Variants in FHIT observed in about 807,000 individuals in gnomAD.
FHIT encodes bis(5'-adenosyl)-triphosphatase.
FHIT carries 19 observed loss-of-function variants against 17.9 expected under a neutral mutation model. The ratio of observed to expected loss-of-function variants is 1.06; its 90% CI spans 0.74 to 1.56. The LOEUF (loss-of-function observed/expected upper bound fraction) is 1.56, where lower values mean the gene tolerates loss of function less well. Among genes scored for constraint, FHIT ranks in the 40% most tolerant of loss-of-function variants. The pLI, the probability that FHIT is intolerant of heterozygous loss-of-function variation, is 0.00. For missense variants in FHIT, 248 were observed against 189.2 expected (o/e 1.31, Z -1.82); for synonymous variants, 81 against 69.7 (o/e 1.16, Z -0.81).
At chr3:60,745,071 G>A (rs1314402307) in intron 4 of FHIT, among the ~76,000 whole-genome samples, 1 of 152,000 alleles carries the variant, frequency 6.6e-6, no homozygotes, top group African/African-American at 2.4e-5. Context: ...AATATAGGAA[G>A]ACCCCATTCT....
chr3:61,183,853 G>A (rs989557637), intron 2 of FHIT, among the ~76,000 whole-genome samples: 7 of 151,910 alleles, frequency 4.6e-5, no homozygotes, highest in Admixed American at 3.3e-4. Context: ...CAGGTTAGCA[G>A]GTCTCGGTGG....
chr3:60,442,074 G>A (rs1047653887), intron 5 of FHIT, among the ~76,000 whole-genome samples: 1 of 151,212 alleles, frequency 6.6e-6, no homozygotes, highest in African/African-American at 2.4e-5. Flanking sequence ...TCCCTGTGAT[G>A]GTCTTGAACT....
In FHIT at chr3:60,540,890, C is replaced by G. The variant is rs2036164328; in HGVS notation, c.-17-3911G>C. Among the ~76,000 whole-genome samples, 2 of 152,072 alleles carry G rather than the reference C, an allele frequency of 1.3e-5. 1 individual carries two copies. Among genetic ancestry groups the G allele is most frequent in the Non-Finnish European group, 2.9e-5 (2 of 68,004 alleles). On this transcript the variant is annotated intron_variant, in intron 4 of 9. Transcript: ENST00000492590. ...ATTTACAACCAGCTCATTAAAAACC[C>G]AACAGTTCTCAAGGTGACGTCCCTC...
At chr3:60,987,987 C>T (rs114472890) in intron 3 of FHIT, among the ~76,000 whole-genome samples, 2,422 of 152,270 alleles carry the variant, frequency 0.016, 54 homozygotes, top group African/African-American at 0.05. Flanking sequence ...TTTACTATGA[C>T]GCTTATTCCC....
chr3:60,856,316 C>T (rs1459361043), intron 3 of FHIT: 1 of 152,098 alleles, frequency 6.6e-6, no homozygotes, highest in Admixed American at 6.6e-5. Context: ...TAACCCTACT[C>T]CAAGGCTTCC....
At chr3:60,929,609 A>T (rs57109146) in intron 3 of FHIT, among the ~76,000 whole-genome samples, 3,042 of 152,262 alleles carry the variant, frequency 0.02, 108 homozygotes, top group African/African-American at 0.069. Flanking sequence ...ACTCCCATTC[A>T]CAATTGCTTC....
Position 60,051,326 on chromosome 3 carries a change from C to CTTTTT in FHIT, c.104-37179_104-37175dup, listed in dbSNP as rs773498624. On this transcript the variant is annotated intron_variant, in intron 5 of 9. Transcript: ENST00000492590. ...CACACCGAAAGCCTAATTTAGGATG[C>CTTTTT]TTTTTTTTTTTTTTTTTGTAACAGC... Among the ~76,000 whole-genome samples the CTTTTT allele has an allele frequency of 1.2e-3, 157 of 131,866 alleles. 6 individuals carry two copies. The highest frequency in any genetic ancestry group is 4.6e-3 in the Middle Eastern group (1 of 216). The allele number at this position is 131,866 out of a possible 152,430, so 86.5% of individuals were successfully genotyped here.
At chr3:59,945,494 C>A (rs1706755371) in intron 7 of FHIT, among the ~76,000 whole-genome samples, 2 of 148,986 alleles carry the variant, frequency 1.3e-5, no homozygotes, top group African/African-American at 4.9e-5. Flanking sequence ...TTGATAGTTT[C>A]TTTTGCTATG....
chr3:60,156,555 C>A (rs6790477), intron 5 of FHIT, among the ~76,000 whole-genome samples: 3,151 of 152,034 alleles, frequency 0.021, 90 homozygotes, highest in African/African-American at 0.07. Context: ...TCAAGAACAA[C>A]CTAGGCAACA....
intron 1 of FHIT, among the ~76,000 whole-genome samples, chr3:61,213,364 T>A (rs1008311782): frequency 4.6e-5 from 7 of 152,132 alleles, no homozygotes; most frequent in Admixed American, 3.3e-4. Flanking sequence ...TCCTACTCTC[T>A]GATAAAACAG....
chr3:60,516,451 A>G (rs916456964), intron 5 of FHIT, among the ~76,000 whole-genome samples: 8 of 152,120 alleles, frequency 5.3e-5, no homozygotes, highest in Admixed American at 1.3e-4. Flanking sequence ...AAAAGGAACT[A>G]CTTCACAAAT....
chr3:61,117,800 T>A (rs1397164526), intron 2 of FHIT, among the ~76,000 whole-genome samples: 1 of 152,188 alleles, frequency 6.6e-6, no homozygotes, highest in Non-Finnish European at 1.5e-5. Context: ...TCTCTTTAGT[T>A]TTCCACTTGC....
intron 5 of FHIT, among the ~76,000 whole-genome samples, chr3:60,332,711 T>A (rs1174647419): frequency 6.6e-6 from 1 of 152,216 alleles, no homozygotes; most frequent in Non-Finnish European, 1.5e-5. Context: ...TGAGGCTTTA[T>A]ATAACCAGCT....
At chr3:59,987,460 T>C (rs1368387969) in intron 7 of FHIT, among the ~76,000 whole-genome samples, 1 of 152,014 alleles carries the variant, frequency 6.6e-6, no homozygotes, top group Non-Finnish European at 1.5e-5. Context: ...ATTCACAATC[T>C]TGTCATTTTC....
At chr3:60,018,710 G>A (rs1700438849) in intron 5 of FHIT, among the ~76,000 whole-genome samples, 1 of 152,178 alleles carries the variant, frequency 6.6e-6, no homozygotes, top group Non-Finnish European at 1.5e-5. Context: ...GGGCGCAGTG[G>A]CTCACGCCTG....
chr3:60,830,423 G>A (rs1702290094), intron 3 of FHIT, among the ~76,000 whole-genome samples: 1 of 152,104 alleles, frequency 6.6e-6, no homozygotes, highest in East Asian at 1.9e-4. Context: ...AAAGAAGAGA[G>A]TGGTAAGTGA....
At chr3:59,979,294 G>C (rs938083402) in intron 7 of FHIT, among the ~76,000 whole-genome samples, 1 of 152,104 alleles carries the variant, frequency 6.6e-6, no homozygotes, top group African/African-American at 2.4e-5. Flanking sequence ...TGTACAGTTA[G>C]TGCATTTATA....
intron 2 of FHIT, among the ~76,000 whole-genome samples, chr3:61,136,080 G>A (rs929411286): frequency 6.6e-6 from 1 of 152,012 alleles, no homozygotes; most frequent in Non-Finnish European, 1.5e-5. Flanking sequence ...AGAACAAGGA[G>A]GGAGAGGGAA....
At chr3:60,622,873 C>A (rs976326808) in intron 4 of FHIT, among the ~76,000 whole-genome samples, 6 of 152,290 alleles carry the variant, frequency 3.9e-5, no homozygotes, top group South Asian at 2.1e-4. Flanking sequence ...GAGCTCCGTG[C>A]TCAAAAGAAG....
Sources: gnomAD v4.1 joint callset for allele counts (sites outside exome capture counted in the v4.1 genomes callset) on GRCh38, gnomAD v4.1.1 for gene constraint, MANE v1.5 for transcripts, NCBI Gene and HGNC (gene_info 2026-07-23, HGNC 2026-07-21) for gene names.